SPIRE1: variants seen among roughly 807,000 people sequenced by gnomAD.
SPIRE1 encodes protein spire homolog 1.
A neutral mutation model predicts 94.1 loss-of-function variants in SPIRE1; 40 were observed. The ratio of observed to expected loss-of-function variants is 0.43; its 90% CI spans 0.33 to 0.55. SPIRE1 has a LOEUF of 0.55. Among genes scored for constraint, SPIRE1 ranks in the 20% least tolerant of loss-of-function variants. The pLI is 0.06. For missense variants in SPIRE1, 838 were observed against 975.2 expected (o/e 0.86, Z 1.87); for synonymous variants, 376 against 371.7 (o/e 1.01, Z -0.13).
intron 2 of SPIRE1, among the ~76,000 whole-genome samples, chr18:12,548,604 CTTTT>C (rs59811774): frequency 1.4e-5 from 2 of 144,262 alleles, no homozygotes; most frequent in Non-Finnish European, 3.0e-5. Context: ...TCTTTTCTTT[CTTTT>C]TTTTTTTTTT....
chr18:12,493,480 C>T (rs1289369313), intron 7 of SPIRE1, among the ~76,000 whole-genome samples: 1 of 152,126 alleles, frequency 6.6e-6, no homozygotes, highest in Non-Finnish European at 1.5e-5. Flanking sequence ...AATCTCAGCT[C>T]ACTGCAACCT....
chr18:12,648,265 A>G (rs530992192), intron 1 of SPIRE1, among the ~76,000 whole-genome samples: 1 of 152,290 alleles, frequency 6.6e-6, no homozygotes, highest in Non-Finnish European at 1.5e-5. Flanking sequence ...AGGTAAAAAT[A>G]GTAACTTTTT....
intron 12 of SPIRE1, among the ~76,000 whole-genome samples, chr18:12,459,300 A>C (rs775142046): frequency 2.0e-5 from 3 of 152,198 alleles, no homozygotes; most frequent in Admixed American, 6.5e-5. Context: ...TCCTGAGCCC[A>C]TGCCCTGGTT....
In SPIRE1 at chr18:12,657,582, G is replaced by C. The variant is rs1355255912; in HGVS notation, c.285C>G (p.Ala95=). 8.0e-7 allele frequency: 1 copy of C among 1,242,618 alleles called. No individual in the cohort carries two copies. Among genetic ancestry groups the C allele is most frequent in the Non-Finnish European group, 1.0e-6 (1 of 994,344 alleles). The allele number at this position is 1,242,618 out of a possible 1,614,324, so 77.0% of individuals were successfully genotyped here. ...AAQIRVWRDG[A]VTLAPAADDA... ...CGTCGGCCGCGGGCGCCAGGGTGAC[G>C]GCGCCGTCCCTCCAGACGCGGATCT... Residue 95 remains alanine (A), a synonymous_variant, in exon 1 of 17, where the codon GCC becomes GCG. Coordinates refer to ENST00000409402, the MANE Select transcript of SPIRE1 (RefSeq NM_001128626.2).
intron 13 of SPIRE1, 114 bp from the exon 14 acceptor site, chr18:12,453,252 AG>A (rs2031334983): frequency 1.6e-6 from 1 of 615,204 alleles, no homozygotes; most frequent in African/African-American, 1.9e-5. Context: ...AGACAAGAGG[AG>A]GAAGACAATT....
In SPIRE1 at chr18:12,471,853, C is replaced by T. The variant is rs565355344; in HGVS notation, c.1405-6895G>A. Among the ~76,000 whole-genome samples the T allele has an allele frequency of 7.2e-5, 11 of 152,142 alleles. No individual in the cohort carries two copies. The East Asian group carries it at 1.7e-3, about 24-fold the overall frequency. On this transcript the variant is annotated intron_variant, in intron 10 of 16. Transcript: ENST00000409402. ...CTGTTGGAGTGCAATGACACAATCT[C>T]GGCTCACTGCAACCTCCGCCTCTGG...
At chr18:12,500,811 G>A (rs971755973) in intron 6 of SPIRE1, among the ~76,000 whole-genome samples, 2 of 152,074 alleles carry the variant, frequency 1.3e-5, no homozygotes, top group Admixed American at 6.6e-5. Flanking sequence ...AGTGGCTCAC[G>A]CCTGTAATCC....
At chr18:12,517,304 A>G (rs1228653259) in intron 4 of SPIRE1, among the ~76,000 whole-genome samples, 1 of 152,198 alleles carries the variant, frequency 6.6e-6, no homozygotes, top group Non-Finnish European at 1.5e-5. Context: ...TTGCAAAATG[A>G]TACCTCTCCT....
intron 2 of SPIRE1, among the ~76,000 whole-genome samples, chr18:12,616,375 T>A (rs1257417620): frequency 6.6e-6 from 1 of 151,806 alleles, no homozygotes; most frequent in African/African-American, 2.4e-5. Flanking sequence ...TCAGCTGAAA[T>A]GGAAAAGCAA....
intron 2 of SPIRE1, among the ~76,000 whole-genome samples, chr18:12,556,755 TGA>T (rs2035521452): frequency 6.6e-6 from 1 of 151,988 alleles, no homozygotes; most frequent in Admixed American, 6.5e-5. Context: ...ACCTTGGCGG[TGA>T]GTGTTACAGC....
chr18:12,454,265 G>A lies in SPIRE1; in HGVS notation c.1776+81C>T, dbSNP rs1002329427. On this transcript the variant is annotated intron_variant, in intron 13 of 16. Transcript: ENST00000409402. ...CCTCAAAGTCTGTGCCACCTGGCTA[G>A]CAGATAACTCTCCCAGGAGACTATG... is the stretch of plus-strand genomic sequence containing the variant. The A allele has an allele frequency of 1.2e-5, 18 of 1,524,032 alleles. No homozygotes were observed. The Admixed American group carries it at 1.9e-4, about 16-fold the overall frequency. 94.4% of individuals were successfully genotyped at this position (1,524,032 alleles called of 1,614,324 possible).
At chr18:12,464,986 ACTT>A in intron 10 of SPIRE1, 28 bp from the exon 11 acceptor site, 3 of 1,600,376 alleles carry the variant, frequency 1.9e-6, no homozygotes, top group Non-Finnish European at 2.6e-6. Flanking sequence ...GGAGAAATCG[ACTT>A]CTTAGACATT....
chr18:12,639,406 A>G (rs2038024696), intron 1 of SPIRE1, among the ~76,000 whole-genome samples: 1 of 152,146 alleles, frequency 6.6e-6, no homozygotes, highest in Non-Finnish European at 1.5e-5. Context: ...TTGATGCTAT[A>G]CTGGTAGTTT....
At chr18:12,631,978 G>GAGGCTT (rs1335629822) in intron 2 of SPIRE1, among the ~76,000 whole-genome samples, 1 of 151,912 alleles carries the variant, frequency 6.6e-6, no homozygotes, top group African/African-American at 2.4e-5. Flanking sequence ...CTAGGAAGTT[G>GAGGCTT]AGGCTACAGT....
At chr18:12,557,731 T>TATAA (rs1555624401) in intron 2 of SPIRE1, among the ~76,000 whole-genome samples, 1 of 150,516 alleles carries the variant, frequency 6.6e-6, no homozygotes, top group East Asian at 1.9e-4. Context: ...TATATATATA[T>TATAA]AAAATACCAC....
intron 2 of SPIRE1, among the ~76,000 whole-genome samples, chr18:12,593,736 G>A (rs2036594261): frequency 6.6e-6 from 1 of 152,058 alleles, no homozygotes. Flanking sequence ...GATCACCTGA[G>A]GTCAGGAGTT....
At chr18:12,554,497 T>C (rs1173085010) in intron 2 of SPIRE1, among the ~76,000 whole-genome samples, 1 of 152,024 alleles carries the variant, frequency 6.6e-6, no homozygotes, top group Admixed American at 6.6e-5. Flanking sequence ...ATCAAAGTGA[T>C]AAAAAGCTTC....
Position 12,448,620 on chromosome 18 carries a change from A to AT in SPIRE1, c.*1017dup, listed in dbSNP as rs1202991282. 2 of 152,142 alleles carry AT rather than the reference A, an allele frequency of 1.3e-5. No homozygotes were observed. The highest frequency in any genetic ancestry group is 2.9e-5 in the Non-Finnish European group (2 of 68,018). The allele number at this position is 152,142 out of a possible 1,614,324, so 9.4% of individuals were successfully genotyped here. A position where few individuals can be genotyped will look rare whatever the true frequency, so the allele number is the denominator to read the frequency against. ...TCTTCTAACTTTAAAAGAAGTAGAT[A>AT]TTTTTTCTTTTAAAATTCATTTATA... On this transcript the variant is annotated 3_prime_UTR_variant, in exon 17 of 17. Coordinates refer to ENST00000409402, the MANE Select transcript of SPIRE1 (RefSeq NM_001128626.2). The surrounding 1 kb of genome is among the most constrained non-coding windows in gnomAD (Gnocchi z 4.4).
At chr18:12,547,663 C>G (rs1176702976) in intron 2 of SPIRE1, among the ~76,000 whole-genome samples, 2 of 152,132 alleles carry the variant, frequency 1.3e-5, no homozygotes, top group African/African-American at 2.4e-5. Context: ...ACACTGGCAG[C>G]CAGCGTGGTG....
Sources: allele counts gnomAD v4.1 joint callset (sites outside exome capture counted in the v4.1 genomes callset), GRCh38; gene constraint gnomAD v4.1.1; non-coding constraint Gnocchi (gnomAD v3.1); transcripts MANE v1.5; gene names NCBI Gene and HGNC (gene_info 2026-07-23, HGNC 2026-07-21).